The following ARHGAP25 variants were observed in gnomAD, a reference collection of about 807,000 sequenced individuals.
ARHGAP25 encodes the protein rho GTPase-activating protein 25.
Under a neutral mutation model 71.0 loss-of-function variants are expected in ARHGAP25, and 34 were observed. The ratio of observed to expected loss-of-function variants is 0.48; its 90% CI spans 0.36 to 0.64. The LOEUF (loss-of-function observed/expected upper bound fraction) is 0.64, where lower values mean the gene tolerates loss of function less well. ARHGAP25 is among the 30% of genes least tolerant of loss of function. The pLI, the probability that ARHGAP25 is intolerant of heterozygous loss-of-function variation, is 0.00. For missense variants in ARHGAP25, 706 were observed against 805.1 expected (o/e 0.88, Z 1.49); for synonymous variants, 282 against 296.5 (o/e 0.95, Z 0.50).
At chr2:68,750,348 G>C (rs1295927531) in intron 1 of ARHGAP25, among the ~76,000 whole-genome samples, 2 of 140,668 alleles carry the variant, frequency 1.4e-5, no homozygotes, top group Admixed American at 1.5e-4. Context: ...TTGAGATAGA[G>C]TTTTATTCTT....
intron 3 of ARHGAP25, among the ~76,000 whole-genome samples, chr2:68,785,544 C>CG (rs1558636308): frequency 6.6e-6 from 1 of 151,392 alleles, no homozygotes; most frequent in East Asian, 1.9e-4. Flanking sequence ...AGTTTTTTTT[C>CG]GGGGGTTTGG....
At chr2:68,724,223 T>C (rs866523595) in intron 2 of ARHGAP25, among the ~76,000 whole-genome samples, 1 of 151,944 alleles carries the variant, frequency 6.6e-6, no homozygotes, top group African/African-American at 2.4e-5. Flanking sequence ...AGCCTCAGTC[T>C]CTCCTGGACT....
chr2:68,712,519 C>A (rs1229544591), intron 2 of ARHGAP25, among the ~76,000 whole-genome samples: 1 of 152,118 alleles, frequency 6.6e-6, no homozygotes, highest in Non-Finnish European at 1.5e-5. Flanking sequence ...TTAATTAGAT[C>A]CCATCTGTCT....
At chr2:68,725,114 C>G (rs970875910) in intron 2 of ARHGAP25, among the ~76,000 whole-genome samples, 1 of 152,140 alleles carries the variant, frequency 6.6e-6, no homozygotes, top group African/African-American at 2.4e-5. Flanking sequence ...AGACTCCAGC[C>G]CCACCTATCC....
At chr2:68,823,775 C>G (rs1681885139) in intron 10 of ARHGAP25, among the ~76,000 whole-genome samples, 1 of 152,192 alleles carries the variant, frequency 6.6e-6, no homozygotes, top group South Asian at 2.1e-4. Context: ...AGGGGGCAAA[C>G]AGAAGCGGGA....
upstream of ARHGAP25, among the ~76,000 whole-genome samples, chr2:68,732,290 G>A (rs937662150): frequency 1.3e-5 from 2 of 152,174 alleles, no homozygotes; most frequent in Non-Finnish European, 2.9e-5. Flanking sequence ...TTCCAAGACT[G>A]ACAGGAACCT....
rs41285953 is a variant in ARHGAP25, at chr2:68,825,983, G to T, written c.1734-4G>T. On this transcript the variant is annotated splice_polypyrimidine_tract_variant and splice_region_variant and intron_variant, in intron 10 of 10. Transcript: ENST00000409202. ...CTTTCATTCTTTTCTTTCCTTCCTTGTAGCCTTGAGAAGGAAAATTATGAC... is the reference window on the plus strand; with the variant it reads ...CTTTCATTCTTTTCTTTCCTTCCTTTTAGCCTTGAGAAGGAAAATTATGAC... 0.048 allele frequency: 76,954 copies of T among 1,607,430 alleles called. 2,197 individuals carry two copies. The highest frequency in any genetic ancestry group is 0.11 in the African/African-American group (8,289 of 74,406).
At chr2:68,789,327 CG>C (rs1312785164) in intron 4 of ARHGAP25, among the ~76,000 whole-genome samples, 13 of 152,184 alleles carry the variant, frequency 8.5e-5, no homozygotes, top group African/African-American at 2.9e-4. Context: ...CGTGAGCCAC[CG>C]TGCCCGGCCT....
intron 6 of ARHGAP25, 145 bp from the exon 7 acceptor site, chr2:68,816,144 A>C: frequency 1.4e-6 from 1 of 711,184 alleles, no homozygotes. Context: ...TTTTTTTTTT[A>C]AACCCACAGA....
At chr2:68,711,270 A>C (rs1674475815) in intron 2 of ARHGAP25, among the ~76,000 whole-genome samples, 1 of 152,222 alleles carries the variant, frequency 6.6e-6, no homozygotes, top group Non-Finnish European at 1.5e-5. Flanking sequence ...TTTTCCCATA[A>C]GTCCTTCTCA....
intron 1 of ARHGAP25, among the ~76,000 whole-genome samples, chr2:68,738,835 A>AAAAAGAAT (rs1463563022): frequency 1.3e-5 from 2 of 151,812 alleles, no homozygotes; most frequent in African/African-American, 4.8e-5. Flanking sequence ...AAAAAAAAAA[A>AAAAAGAAT]AAAAGAATAT....
chr2:68,734,618 C>T (rs1294753469), upstream of ARHGAP25, among the ~76,000 whole-genome samples: 1 of 152,160 alleles, frequency 6.6e-6, no homozygotes, highest in Admixed American at 6.5e-5. Flanking sequence ...ACATTTTCTT[C>T]TAATTAAAAC....
rs561969192 is a variant in ARHGAP25, at chr2:68,784,159, C to A, written c.349+1839C>A. 2.0e-5 allele frequency among the ~76,000 whole-genome samples: 3 copies of A among 151,920 alleles called. No homozygotes were observed. The South Asian group carries it at 6.2e-4, about 32-fold the overall frequency. ...ACAGATCCTTTTTCTCTCTCTCTTTCGCTCTCTCTCTCTCTTTCTCTCTCT... is the reference window on the plus strand; with the variant it reads ...ACAGATCCTTTTTCTCTCTCTCTTTAGCTCTCTCTCTCTCTTTCTCTCTCT... On this transcript the variant is annotated intron_variant, in intron 3 of 10. Coordinates refer to ENST00000409202, the MANE Select transcript of ARHGAP25 (RefSeq NM_001007231.3).
chr2:68,722,027 A>C (rs1203357320), intron 2 of ARHGAP25, among the ~76,000 whole-genome samples: 3 of 152,120 alleles, frequency 2.0e-5, no homozygotes, highest in African/African-American at 4.8e-5. Flanking sequence ...TGTGGTCCAG[A>C]ATTGGTCACC....
At chr2:68,758,327 GGA>G (rs1307521388) in intron 1 of ARHGAP25, among the ~76,000 whole-genome samples, 1 of 151,848 alleles carries the variant, frequency 6.6e-6, no homozygotes, top group Non-Finnish European at 1.5e-5. Context: ...TTGGCAGAAT[GGA>G]TAAGAAAACA....
At chr2:68,823,205 A>G (rs190898081) in intron 10 of ARHGAP25, among the ~76,000 whole-genome samples, 1 of 152,352 alleles carries the variant, frequency 6.6e-6, no homozygotes, top group African/African-American at 2.4e-5. Flanking sequence ...TGATTCTGCA[A>G]ATATTCCTCG....
chr2:68,757,128 C>T (rs1676528887), intron 1 of ARHGAP25, among the ~76,000 whole-genome samples: 1 of 151,476 alleles, frequency 6.6e-6, no homozygotes, highest in African/African-American at 2.4e-5. Flanking sequence ...ATGAGAAATA[C>T]AAAGAAAAAA....
At chr2:68,819,430 G>GCCACT in intron 9 of ARHGAP25, 111 bp downstream of exon 9, 16 of 1,070,778 alleles carry the variant, frequency 1.5e-5, no homozygotes, top group Non-Finnish European at 2.1e-5. Context: ...GTGATGCAGT[G>GCCACT]GCAGTGGGCG....
At chr2:68,797,426 C>G (rs555366734) in intron 4 of ARHGAP25, among the ~76,000 whole-genome samples, 1 of 152,296 alleles carries the variant, frequency 6.6e-6, no homozygotes, top group South Asian at 2.1e-4. Flanking sequence ...GCCACCCAGT[C>G]AGTCCTGGCA....
Sources: allele counts gnomAD v4.1 joint callset (sites outside exome capture counted in the v4.1 genomes callset), GRCh38; gene constraint gnomAD v4.1.1; transcripts MANE v1.5; gene names NCBI Gene and HGNC (gene_info 2026-07-23, HGNC 2026-07-21).